Variants in AKNAD1 observed in about 807,000 individuals in gnomAD.
AKNAD1 encodes AKNA domain containing 1, also known as protein AKNAD1.
In AKNAD1, 67 loss-of-function variants were observed where a neutral mutation model predicts 90.8. The observed-to-expected ratio is 0.74, with a 90% CI of 0.61 to 0.90. The LOEUF (loss-of-function observed/expected upper bound fraction) is 0.90. Among genes scored for constraint, AKNAD1 ranks in the 40% least tolerant of loss-of-function variants. AKNAD1 has a pLI of 0.00. For synonymous variants in AKNAD1, 327 were observed against 341.4 expected, an observed-to-expected ratio of 0.96 and a Z score of 0.46; for missense variants, 957 against 975.4, an observed-to-expected ratio of 0.98 and a Z score of 0.25.
intron 7 of AKNAD1, 115 bp from the exon 8 acceptor site, chr1:108,835,171 G>A (rs771441949): frequency 1.2e-5 from 15 of 1,202,054 alleles, no homozygotes; most frequent in Admixed American, 3.7e-5. Flanking sequence ...CCTGCCTGGC[G>A]TCCCCCCACC....
chr1:108,838,286 C>G (rs1040700880), intron 6 of AKNAD1, among the ~76,000 whole-genome samples: 1 of 151,250 alleles, frequency 6.6e-6, no homozygotes, highest in Non-Finnish European at 1.5e-5. Flanking sequence ...TACCTACATT[C>G]TCTTATCACT....
chr1:108,857,936 TAC>T (rs1350854186), upstream of AKNAD1: 1 of 152,440 alleles, frequency 6.6e-6, no homozygotes, highest in Non-Finnish European at 1.5e-5. Flanking sequence ...AAGCTTTAAG[TAC>T]ATTATCCATC....
intron 5 of AKNAD1, among the ~76,000 whole-genome samples, chr1:108,846,684 A>G (rs188199837): frequency 6.6e-6 from 1 of 151,486 alleles, no homozygotes; most frequent in Non-Finnish European, 1.5e-5. Flanking sequence ...CACTCTGTGT[A>G]TTTTGCCTGG....
chr1:108,857,532 C>T (rs183918114), upstream of AKNAD1: 3 of 152,780 alleles, frequency 2.0e-5, no homozygotes, highest in Admixed American at 1.3e-4. Flanking sequence ...TCGCTAAGCC[C>T]ATTTTGTGAT....
chr1:108,824,347 A>G (rs1253505950), intron 11 of AKNAD1, among the ~76,000 whole-genome samples: 1 of 152,190 alleles, frequency 6.6e-6, no homozygotes, highest in Admixed American at 6.5e-5. Context: ...TCGCTGCAGG[A>G]CAGATGCTGC....
intron 5 of AKNAD1, among the ~76,000 whole-genome samples, chr1:108,844,941 T>C (rs919668647): frequency 5.9e-5 from 9 of 151,940 alleles, no homozygotes; most frequent in Non-Finnish European, 1.3e-4. Context: ...GCCTCAGCCT[T>C]CCAAGTAGCT....
chr1:108,816,433 T>A, intron 15 of AKNAD1, 131 bp from the exon 16 acceptor site: 2 of 1,007,018 alleles, frequency 2.0e-6, no homozygotes, highest in Non-Finnish European at 2.8e-6. Flanking sequence ...GGTCTATTTC[T>A]GTTTTTGAGG....
chr1:108,848,117 T>C (rs1360979002), intron 5 of AKNAD1, among the ~76,000 whole-genome samples: 4 of 152,214 alleles, frequency 2.6e-5, no homozygotes, highest in Non-Finnish European at 5.9e-5. Context: ...TCAGAACTTC[T>C]GACCTTATCC....
intron 14 of AKNAD1, among the ~76,000 whole-genome samples, chr1:108,818,491 G>A (rs1184957605): frequency 6.6e-6 from 1 of 152,170 alleles, no homozygotes; most frequent in African/African-American, 2.4e-5. Flanking sequence ...ACTGTCAACA[G>A]TATAACAGCC....
chr1:108,816,915 G>T, intron 15 of AKNAD1, 133 bp downstream of exon 15: 1 of 1,057,306 alleles, frequency 9.5e-7, no homozygotes, highest in South Asian at 1.6e-5. Context: ...TTAGTTCTGA[G>T]CACAAAATTG....
chr1:108,817,021 T>C, intron 15 of AKNAD1, 27 bp downstream of exon 15: 1 of 1,612,696 alleles, frequency 6.2e-7, no homozygotes, highest in Non-Finnish European at 8.5e-7. Context: ...GCTGCAATGC[T>C]TCTCGAATGA....
At chr1:108,818,094 T>C (rs1250017309) in intron 14 of AKNAD1, among the ~76,000 whole-genome samples, 1 of 152,146 alleles carries the variant, frequency 6.6e-6, no homozygotes, top group Non-Finnish European at 1.5e-5. Context: ...AGGGGGTTAT[T>C]TGCATAGTCT....
intron 10 of AKNAD1, among the ~76,000 whole-genome samples, chr1:108,828,851 T>A (rs1237384108): frequency 1.3e-5 from 2 of 151,848 alleles, no homozygotes; most frequent in Admixed American, 6.6e-5. Context: ...TAAACTCCTT[T>A]GTGTACTCAA....
At chr1:108,829,748 C>T (rs1557828851) in intron 10 of AKNAD1, among the ~76,000 whole-genome samples, 1 of 152,184 alleles carries the variant, frequency 6.6e-6, no homozygotes, top group Non-Finnish European at 1.5e-5. Context: ...CTATTAGAAT[C>T]CATTACGTAC....
At chr1:108,842,683 G>A (rs1482075055) in intron 6 of AKNAD1, among the ~76,000 whole-genome samples, 1 of 152,100 alleles carries the variant, frequency 6.6e-6, no homozygotes, top group African/African-American at 2.4e-5. Flanking sequence ...ACAGAAGAGA[G>A]AACCAGGCAA....
At chr1:108,848,881 T>C (rs2101212488) in intron 4 of AKNAD1, 31 bp downstream of exon 4, 1 of 1,600,708 alleles carries the variant, frequency 6.2e-7, no homozygotes, top group Admixed American at 1.8e-5. Context: ...TGGTTACTTA[T>C]ATTGTTTATA....
chr1:108,820,407 T>G, intron 14 of AKNAD1, 138 bp downstream of exon 14: 1 of 567,248 alleles, frequency 1.8e-6, no homozygotes, highest in Non-Finnish European at 3.1e-6. Flanking sequence ...AAGGATTAGA[T>G]AGGTTTAGGT....
chr1:108,842,988 G>A, intron 6 of AKNAD1, 146 bp downstream of exon 6: 1 of 1,009,296 alleles, frequency 9.9e-7, no homozygotes, highest in Non-Finnish European at 1.5e-6. Context: ...TGTGGTATTA[G>A]GTGACACTTT....
chr1:108,843,151 A>G lies in AKNAD1; in HGVS notation c.1362T>C (p.Gly454=), dbSNP rs762139898. 6.2e-7 allele frequency: 1 copy of G among 1,614,020 alleles called. No individual in the cohort carries two copies. The highest frequency in any genetic ancestry group is 1.3e-5 in the African/African-American group (1 of 74,946). Residue 454 remains glycine (G), a synonymous_variant, in exon 6 of 16, where the codon GGT becomes GGC. Coordinates refer to ENST00000370001, the MANE Select transcript of AKNAD1 (RefSeq NM_152763.5). ...QVHKHESTIV[G]DFDPERKVEG... ...AATCTGACCTTTCTGGATCAAAGTC[A>G]CCAACGATTGTTGATTCGTGCTTGT...
Sources: gnomAD v4.1 joint callset for allele counts (sites outside exome capture counted in the v4.1 genomes callset) on GRCh38, gnomAD v4.1.1 for gene constraint, MANE v1.5 for transcripts, NCBI Gene and HGNC (gene_info 2026-07-23, HGNC 2026-07-21) for gene names.